Variants in DHRS7 observed in about 807,000 individuals in gnomAD.
DHRS7 encodes the protein dehydrogenase/reductase 7.
In DHRS7, 34 loss-of-function variants were observed where a neutral mutation model predicts 38.9. The ratio of observed to expected loss-of-function variants is 0.87; its 90% CI spans 0.66 to 1.16. DHRS7 has a LOEUF of 1.16. DHRS7 is among the 50% of genes most tolerant of loss of function. DHRS7 has a pLI of 0.00. For synonymous variants in DHRS7, 158 were observed against 153.1 expected (o/e 1.03, Z -0.24); for missense variants, 421 against 407.0 (o/e 1.03, Z -0.30).
chr14:60,149,687 G>A (rs1023495716), intron 5 of DHRS7, 119 bp from the exon 6 acceptor site: 13 of 725,860 alleles, frequency 1.8e-5, no homozygotes, highest in Non-Finnish European at 2.2e-5. Flanking sequence ...ATGCCCCTTA[G>A]GAGTCTCCAT....
rs760854059 is a variant in DHRS7, at chr14:60,144,917, A to G, written c.*49T>C. 4.1e-6 allele frequency: 6 copies of G among 1,470,696 alleles called. No individual in the cohort carries two copies. The highest frequency in any genetic ancestry group is 5.7e-6 in the Non-Finnish European group (6 of 1,053,206). The allele number at this position is 1,470,696 out of a possible 1,614,324, so 91.1% of individuals were successfully genotyped here. A position where few individuals can be genotyped will look rare whatever the true frequency, so the allele number is the denominator to read the frequency against. The stretch of plus-strand genomic sequence containing the variant: ...GAAGCATAAGAAGATTGCTGTTTTC[A>G]TGTTTTCCATTTCTCCCTCCAGTGG... On this transcript the variant is annotated 3_prime_UTR_variant, in exon 7 of 7. Coordinates refer to ENST00000557185, the MANE Select transcript of DHRS7 (RefSeq NM_016029.4).
Position 60,144,801 on chromosome 14 carries a change from C to A in DHRS7, c.*165G>T, listed in dbSNP as rs1566527389. Reference sequence around the variant, plus strand: ...CCTTTTTTGCAAGATTCATGGCAATCTTTTATTATTTATTTTTTATTTCAT... The same window carrying A: ...CCTTTTTTGCAAGATTCATGGCAATATTTTATTATTTATTTTTTATTTCAT... On this transcript the variant is annotated 3_prime_UTR_variant, in exon 7 of 7. Transcript: ENST00000557185. The A allele has an allele frequency of 3.1e-6, 2 of 641,296 alleles. No homozygotes were observed. The highest frequency in any genetic ancestry group is 2.7e-6 in the Non-Finnish European group (1 of 367,874). The allele number at this position is 641,296 out of a possible 1,614,324, so 39.7% of individuals were successfully genotyped here. A position where few individuals can be genotyped will look rare whatever the true frequency, so the allele number is the denominator to read the frequency against.
In DHRS7 at chr14:60,165,364, G is replaced by T. The variant is rs1896850551; in HGVS notation, c.-55C>A. The T allele has an allele frequency of 1.3e-6, 2 of 1,535,736 alleles. No homozygotes were observed. Among genetic ancestry groups the T allele is most frequent in the South Asian group, 1.2e-5 (1 of 83,706 alleles). Reference sequence around the variant, plus strand: ...AGAAGACGGCCCGCACCAGAGTCGCGTCGCTGCCCTGCGGGATCGCAGCGC... The same window carrying T: ...AGAAGACGGCCCGCACCAGAGTCGCTTCGCTGCCCTGCGGGATCGCAGCGC... On this transcript the variant is annotated 5_prime_UTR_variant, in exon 1 of 7. Coordinates refer to ENST00000557185, the MANE Select transcript of DHRS7 (RefSeq NM_016029.4). This position sits in a 1 kb window ranked among gnomAD's most constrained non-coding sequence, Gnocchi z 4.6.
rs1296611427 is a variant in DHRS7 at position 60,150,095 on chromosome 14, C to T, written c.726G>A (p.Val242=). ...TGACTTCTCCAGCTAGGGAATTCTCCACAATATTTGATTGCACAGGTCCTG... is the reference window on the plus strand; with the variant it reads ...TGACTTCTCCAGCTAGGGAATTCTCTACAATATTTGATTGCACAGGTCCTG... The part of the protein sequence containing the change: ...ICPGPVQSNI[V]ENSLAGEVTK... The change falls in exon 5 of 7, where the codon GTG becomes GTA. Residue 242 remains valine, a synonymous_variant. Transcript: ENST00000557185. 6.2e-7 allele frequency: 1 copy of T among 1,600,316 alleles called. No homozygotes were observed. Among genetic ancestry groups the T allele is most frequent in the Non-Finnish European group, 8.5e-7 (1 of 1,175,740 alleles).
intron 2 of DHRS7, among the ~76,000 whole-genome samples, chr14:60,154,844 C>T (rs1896624840): frequency 6.6e-6 from 1 of 152,158 alleles, no homozygotes; most frequent in African/African-American, 2.4e-5. Context: ...TCTACTCCAC[C>T]AGTACAGGAC....
chr14:60,154,170 A>C, intron 2 of DHRS7, 105 bp from the exon 3 acceptor site: 4 of 793,966 alleles, frequency 5.0e-6, no homozygotes, highest in East Asian at 2.7e-5. Flanking sequence ...CAACAAACTC[A>C]TTTCTGGGTG....
chr14:60,167,628 T>C (rs1385062623), upstream of DHRS7, among the ~76,000 whole-genome samples: 1 of 152,156 alleles, frequency 6.6e-6, no homozygotes, highest in Non-Finnish European at 1.5e-5. Context: ...AAAATAACTT[T>C]AAAAATCCAG....
In DHRS7 at chr14:60,165,067, C is replaced by G; in HGVS notation, c.133+110G>C. 7.1e-7 allele frequency: 1 copy of G among 1,406,586 alleles called. No homozygotes were observed. The highest frequency in any genetic ancestry group is 9.7e-7 in the Non-Finnish European group (1 of 1,031,042). The allele number at this position is 1,406,586 out of a possible 1,614,324, so 87.1% of individuals were successfully genotyped here. The stretch of plus-strand genomic sequence containing the variant: ...GCAGCCGGGCCTTCGGGAAGCTCCA[C>G]GCAACCCACAAAGGACCCGGGATCA... On this transcript the variant is annotated intron_variant, in intron 1 of 6. Transcript: ENST00000557185. The surrounding 1 kb of genome is among the most constrained non-coding windows in gnomAD (Gnocchi z 4.6).
chr14:60,152,661 C>A (rs1721491459), intron 4 of DHRS7: 1 of 425,700 alleles, frequency 2.3e-6, no homozygotes, highest in Non-Finnish European at 4.3e-6. Context: ...TTTTTGAGGG[C>A]AGAGACCACA....
rs1566532019 is a variant in DHRS7, at chr14:60,153,085, AGTT to A, written c.484_486del (p.Asn162del). ...TTTGTCAAGGACACCGTCCCTAAGTAGTTAAGCTCTATTAGCTTTCTGTAGACA... is the reference window on the plus strand; with the variant it reads ...TTTGTCAAGGACACCGTCCCTAAGTAAAGCTCTATTAGCTTTCTGTAGACA... On this transcript the variant is annotated inframe_deletion, in exon 4 of 7. Transcript: ENST00000557185. The surrounding 1 kb of genome is among the most constrained non-coding windows in gnomAD (Gnocchi z 4.4). 6.2e-7 allele frequency: 1 copy of A among 1,614,232 alleles called. No individual in the cohort carries two copies. Among genetic ancestry groups the A allele is most frequent in the African/African-American group, 1.3e-5 (1 of 75,056 alleles).
chr14:60,150,113 A>G lies in DHRS7; in HGVS notation c.708T>C (p.Pro236=). 6.2e-7 allele frequency: 1 copy of G among 1,608,054 alleles called. No individual in the cohort carries two copies. The highest frequency in any genetic ancestry group is 2.2e-5 in the East Asian group (1 of 44,596). ...AATTCTCCACAATATTTGATTGCAC[A>G]GGTCCTGGGCAAATGTTAGAAACTA... ...GIIVSNICPG[P]VQSNIVENSL... Residue 236 remains proline (P), a synonymous_variant, in exon 5 of 7, where the codon CCT becomes CCC. Transcript: ENST00000557185.
intron 1 of DHRS7, among the ~76,000 whole-genome samples, chr14:60,163,029 G>A (rs990719972): frequency 1.3e-5 from 2 of 152,062 alleles, no homozygotes; most frequent in African/African-American, 2.4e-5. Context: ...ACTTACCCAT[G>A]CGTGGTGGCA....
Position 60,144,773 on chromosome 14 carries a change from A to T in DHRS7, c.*193T>A. 1.7e-6 allele frequency: 1 copy of T among 588,342 alleles called. No individual in the cohort carries two copies. The highest frequency in any genetic ancestry group is 3.0e-5 in the East Asian group (1 of 33,440). The allele number at this position is 588,342 out of a possible 1,614,324, so 36.4% of individuals were successfully genotyped here. ...TTATCCAAGAATATAGTATGAGTTA[A>T]TACCTTTTTTGCAAGATTCATGGCA... is the stretch of plus-strand genomic sequence containing the variant. On this transcript the variant is annotated 3_prime_UTR_variant, in exon 7 of 7. Coordinates refer to ENST00000557185, the MANE Select transcript of DHRS7 (RefSeq NM_016029.4).
At position 60,165,326 on chromosome 14, in the gene DHRS7, C is replaced by A; in HGVS notation, c.-17G>T. The A allele has an allele frequency of 6.4e-7, 1 of 1,566,534 alleles. No individual in the cohort carries two copies. Among genetic ancestry groups the A allele is most frequent in the East Asian group, 2.3e-5 (1 of 42,852 alleles). On this transcript the variant is annotated 5_prime_UTR_variant, in exon 1 of 7. Transcript: ENST00000557185. The surrounding 1 kb of genome is among the most constrained non-coding windows in gnomAD (Gnocchi z 4.6). Reference sequence around the variant, plus strand: ...CCAGTTCATTGCGGCCGCGCACGCCCAGCTCGGGGGGAAGAAGACGGCCCG... The same window carrying A: ...CCAGTTCATTGCGGCCGCGCACGCCAAGCTCGGGGGGAAGAAGACGGCCCG...
chr14:60,168,593 A>C (rs190933290), upstream of DHRS7: 2 of 1,405,946 alleles, frequency 1.4e-6, no homozygotes, highest in African/African-American at 2.9e-5. Flanking sequence ...AAAGTTAAAA[A>C]AATTAGGTTA....
chr14:60,147,427 T>G (rs1003055614), intron 6 of DHRS7: 1 of 152,210 alleles, frequency 6.6e-6, no homozygotes, highest in Admixed American at 6.5e-5. Context: ...TGACATGTAT[T>G]AATTAGCTTG....
upstream of DHRS7, among the ~76,000 whole-genome samples, chr14:60,165,994 G>T (rs1477294926): frequency 6.6e-6 from 1 of 152,136 alleles, no homozygotes; most frequent in Non-Finnish European, 1.5e-5. The surrounding 1 kb of genome is among the most constrained non-coding windows in gnomAD (Gnocchi z 4.6). Context: ...TGTCTGTTTG[G>T]CAACCAAAGC....
At chr14:60,168,022 G>A (rs1433504050), upstream of DHRS7, among the ~76,000 whole-genome samples, 3 of 152,144 alleles carry the variant, frequency 2.0e-5, no homozygotes, top group Admixed American at 1.3e-4. Flanking sequence ...GCTTACACCT[G>A]CCTGGCTGTA....
At position 60,162,759 on chromosome 14, in the gene DHRS7, T is replaced by C. The variant is rs1040095921; in HGVS notation, c.133+2418A>G. On this transcript the variant is annotated intron_variant, in intron 1 of 6. Coordinates refer to ENST00000557185, the MANE Select transcript of DHRS7 (RefSeq NM_016029.4). This position sits in a 1 kb window ranked among gnomAD's most constrained non-coding sequence, Gnocchi z 4.5. ...TCACTCCCTACCTCCACCAGGAGTC[T>C]TTTTAGACTTTTTTTTCCCCTAAAA... Among the ~76,000 whole-genome samples, 2 of 152,198 alleles carry C rather than the reference T, an allele frequency of 1.3e-5. No individual in the cohort carries two copies. Among genetic ancestry groups the C allele is most frequent in the African/African-American group, 4.8e-5 (2 of 41,446 alleles).
Sources: allele counts gnomAD v4.1 joint callset (sites outside exome capture counted in the v4.1 genomes callset), GRCh38; gene constraint gnomAD v4.1.1; non-coding constraint Gnocchi (gnomAD v3.1); transcripts MANE v1.5; gene names NCBI Gene and HGNC (gene_info 2026-07-23, HGNC 2026-07-21).